Variants in MECOM observed in about 807,000 individuals in gnomAD.
The protein encoded by MECOM is histone-lysine N-methyltransferase MECOM.
Under a neutral mutation model 116.3 loss-of-function variants are expected in MECOM, and 13 were observed. The observed-to-expected ratio is 0.11, with a 90% CI of 0.07 to 0.18. The LOEUF (loss-of-function observed/expected upper bound fraction) is 0.18, where lower values mean the gene tolerates loss of function less well. Among genes scored for constraint, MECOM ranks in the 10% least tolerant of loss-of-function variants. The pLI is 1.00. For synonymous variants in MECOM, 528 were observed against 535.2 expected (o/e 0.99, Z 0.19); for missense variants, 1,299 against 1,509.0 (o/e 0.86, Z 2.31).
Position 169,559,046 on chromosome 3 carries a change from GCA to G in MECOM, c.37+104288_37+104289del, listed in dbSNP as rs113971910. On this transcript the variant is annotated intron_variant, in intron 1 of 16. Coordinates refer to ENST00000651503, the MANE Select transcript of MECOM (RefSeq NM_004991.4). ...ACACACACACTATACACACACACGC[GCA>G]CACACACACACACACACACAAGTAT... Among the ~76,000 whole-genome samples, 68 of 148,332 alleles carry G rather than the reference GCA, an allele frequency of 4.6e-4. No homozygotes were observed. In the Middle Eastern group the frequency reaches 0.024, roughly 53 times the overall value.
At chr3:169,298,299 G>T (rs1716023543) in intron 2 of MECOM, among the ~76,000 whole-genome samples, 1 of 151,930 alleles carries the variant, frequency 6.6e-6, no homozygotes, top group African/African-American at 2.4e-5. Context: ...TTATCAATAT[G>T]AAGACACATA....
intron 1 of MECOM, among the ~76,000 whole-genome samples, chr3:169,640,156 T>A (rs961600621): frequency 6.8e-6 from 1 of 146,358 alleles, no homozygotes; most frequent in Non-Finnish European, 1.5e-5. Flanking sequence ...GATATTTTAT[T>A]AAAATTTTTA....
At chr3:169,176,143 C>CAA (rs72232009) in intron 2 of MECOM, among the ~76,000 whole-genome samples, 45 of 141,092 alleles carry the variant, frequency 3.2e-4, no homozygotes, top group Admixed American at 5.0e-4. Flanking sequence ...ACATACACAC[C>CAA]AAAAAAAAAA....
At chr3:169,399,820 A>G (rs1168680475) in intron 1 of MECOM, among the ~76,000 whole-genome samples, 1 of 152,198 alleles carries the variant, frequency 6.6e-6, no homozygotes, top group Non-Finnish European at 1.5e-5. Context: ...AGTGACACCT[A>G]TTAAAAGAGA....
rs894664090 is a variant in MECOM at position 169,112,871 on chromosome 3, T to C, written c.2493A>G (p.Val831=). The C allele has an allele frequency of 1.9e-6, 3 of 1,608,966 alleles. No homozygotes were observed. The highest frequency in any genetic ancestry group is 2.6e-6 in the Non-Finnish European group (3 of 1,176,174). Residue 831 remains valine (V), a synonymous_variant, in exon 9 of 17, where the codon GTA becomes GTG. Transcript: ENST00000651503. ...TPFFMDPIYR[V]EKRKLTDPLE... is the part of the protein sequence containing the mutation. The stretch of plus-strand genomic sequence containing the variant: ...GTGGGTCAGTTAGTTTTCTTTTCTC[T>C]ACTCTGAAAGGTTAAAATTAGATTT...
At chr3:169,601,761 A>C (rs1209318872) in intron 1 of MECOM, among the ~76,000 whole-genome samples, 1 of 152,232 alleles carries the variant, frequency 6.6e-6, no homozygotes, top group Non-Finnish European at 1.5e-5. Context: ...CTAAATTGCA[A>C]CTATGCAAAA....
At chr3:169,268,951 T>C (rs1271969821) in intron 2 of MECOM, among the ~76,000 whole-genome samples, 3 of 152,140 alleles carry the variant, frequency 2.0e-5, no homozygotes, top group African/African-American at 4.8e-5. Flanking sequence ...GCGGATTTAA[T>C]TGGTAAACAG....
At chr3:169,506,365 T>C (rs1755218976) in intron 1 of MECOM, among the ~76,000 whole-genome samples, 1 of 152,210 alleles carries the variant, frequency 6.6e-6, no homozygotes, top group South Asian at 2.1e-4. Context: ...CCGTGGGGAC[T>C]AATCACGGGC....
intron 2 of MECOM, among the ~76,000 whole-genome samples, chr3:169,168,639 G>A (rs1299842174): frequency 6.6e-6 from 1 of 151,870 alleles, no homozygotes; most frequent in Non-Finnish European, 1.5e-5. Flanking sequence ...AACTGTCTTG[G>A]AGAGATCATT....
chr3:169,371,452 G>A (rs1415108148), intron 2 of MECOM, among the ~76,000 whole-genome samples: 2 of 151,518 alleles, frequency 1.3e-5, no homozygotes, highest in Non-Finnish European at 2.9e-5. Flanking sequence ...TGTGTCTATA[G>A]TTAATAATAA....
intron 1 of MECOM, among the ~76,000 whole-genome samples, chr3:169,591,873 A>G (rs1391942593): frequency 6.6e-6 from 1 of 150,864 alleles, no homozygotes; most frequent in East Asian, 1.9e-4. Context: ...ATCCTAGGAG[A>G]TGGCCCATAA....
intron 2 of MECOM, among the ~76,000 whole-genome samples, chr3:169,368,442 A>G (rs1344757694): frequency 6.6e-6 from 1 of 152,060 alleles, no homozygotes; most frequent in Non-Finnish European, 1.5e-5. Context: ...ATTTTTATTT[A>G]TCATTCAAAT....
At chr3:169,085,850 T>G (rs1382414234) in intron 16 of MECOM, among the ~76,000 whole-genome samples, 1 of 152,188 alleles carries the variant, frequency 6.6e-6, no homozygotes, top group East Asian at 1.9e-4. Context: ...CCAAGCAAAA[T>G]ATTCAAATGA....
intron 2 of MECOM, among the ~76,000 whole-genome samples, chr3:169,359,432 G>C (rs946247894): frequency 6.6e-6 from 1 of 151,698 alleles, no homozygotes; most frequent in African/African-American, 2.4e-5. Flanking sequence ...ATGAACACTT[G>C]AGTGAAGCCC....
intron 1 of MECOM, among the ~76,000 whole-genome samples, chr3:169,523,975 C>A (rs55823955): frequency 0.11 from 16,636 of 146,112 alleles, 1,021 homozygotes; most frequent in African/African-American, 0.12. Context: ...CATATATACA[C>A]GCACATACAC....
chr3:169,360,601 C>T (rs149363734), intron 2 of MECOM, among the ~76,000 whole-genome samples: 8 of 151,750 alleles, frequency 5.3e-5, no homozygotes, highest in African/African-American at 9.7e-5. Context: ...TACACTTTAT[C>T]GCAATATATT....
chr3:169,406,025 C>T (rs1485754085), intron 1 of MECOM, among the ~76,000 whole-genome samples: 1 of 152,040 alleles, frequency 6.6e-6, no homozygotes, highest in African/African-American at 2.4e-5. Flanking sequence ...CTTTCCTAGC[C>T]ATGGTTAGGT....
chr3:169,222,657 G>T (rs1429900524), intron 2 of MECOM, among the ~76,000 whole-genome samples: 2 of 152,158 alleles, frequency 1.3e-5, no homozygotes, highest in Non-Finnish European at 2.9e-5. Context: ...CTGAAACGCA[G>T]ATATAAATTT....
At chr3:169,643,203 A>G (rs1026492085) in intron 1 of MECOM, among the ~76,000 whole-genome samples, 2 of 152,208 alleles carry the variant, frequency 1.3e-5, no homozygotes, top group Non-Finnish European at 2.9e-5. Flanking sequence ...CAGGGAGCCT[A>G]ATAATTCAAC....
Sources: gnomAD v4.1 joint callset for allele counts (sites outside exome capture counted in the v4.1 genomes callset) on GRCh38, gnomAD v4.1.1 for gene constraint, MANE v1.5 for transcripts, NCBI Gene and HGNC (gene_info 2026-07-23, HGNC 2026-07-21) for gene names.